MALRD1: variants seen among roughly 807,000 people sequenced by gnomAD.
MALRD1 encodes the protein MAM and LDL receptor class A domain containing 1, also known as MAM and LDL-receptor class A domain-containing protein 1.
In MALRD1, 247 loss-of-function variants were observed where a neutral mutation model predicts 242.1. The observed-to-expected ratio is 1.02, with a 90% CI of 0.92 to 1.13. The LOEUF (loss-of-function observed/expected upper bound fraction) is 1.13. Among genes scored for constraint, MALRD1 ranks in the 50% most tolerant of loss-of-function variants. The probability of loss-of-function intolerance (pLI) is 0.00; values close to 1 mark genes in which losing one functional copy is unlikely to be tolerated. For synonymous variants in MALRD1, 995 were observed against 866.6 expected (o/e 1.15, Z -2.60); for missense variants, 2,989 against 2,533.1 (o/e 1.18, Z -3.86).
chr10:19,079,094 T>C (rs558840181), intron 2 of MALRD1, among the ~76,000 whole-genome samples: 58 of 151,724 alleles, frequency 3.8e-4, no homozygotes, highest in African/African-American at 1.3e-3. Flanking sequence ...TTGAGATCTT[T>C]CCTTGTTTAA....
At chr10:19,258,182 C>G (rs1289994609) in intron 19 of MALRD1, among the ~76,000 whole-genome samples, 1 of 152,068 alleles carries the variant, frequency 6.6e-6, no homozygotes, top group Non-Finnish European at 1.5e-5. Context: ...CATTTCCTCA[C>G]TGTTTTATGG....
At chr10:19,232,147 GA>G (rs1339589391) in intron 18 of MALRD1, among the ~76,000 whole-genome samples, 4 of 151,900 alleles carry the variant, frequency 2.6e-5, no homozygotes, top group Non-Finnish European at 4.4e-5. Flanking sequence ...TAAAAAAAAT[GA>G]GTAGTAGAAG....
intron 18 of MALRD1, among the ~76,000 whole-genome samples, chr10:19,233,761 T>A (rs1311923600): frequency 6.6e-6 from 1 of 152,142 alleles, no homozygotes; most frequent in Non-Finnish European, 1.5e-5. Flanking sequence ...TAGTGCTAAT[T>A]TGTTTCAATT....
chr10:19,277,469 A>G (rs1331031959), intron 19 of MALRD1, among the ~76,000 whole-genome samples: 3 of 152,052 alleles, frequency 2.0e-5, no homozygotes, highest in Non-Finnish European at 4.4e-5. Flanking sequence ...AAGAGCAACA[A>G]TGGATTGGTG....
intron 2 of MALRD1, among the ~76,000 whole-genome samples, chr10:19,070,042 G>C (rs1835094540): frequency 6.6e-6 from 1 of 151,914 alleles, no homozygotes. Context: ...CATATATTTT[G>C]ATTTTGTTTT....
chr10:19,281,803 C>T (rs113571445), intron 20 of MALRD1, among the ~76,000 whole-genome samples: 1 of 151,888 alleles, frequency 6.6e-6, no homozygotes, highest in Non-Finnish European at 1.5e-5. Flanking sequence ...AAAACCCCAT[C>T]TCTACAAAAA....
chr10:19,279,301 C>T (rs1840692545), intron 19 of MALRD1, among the ~76,000 whole-genome samples: 1 of 152,170 alleles, frequency 6.6e-6, no homozygotes. Context: ...TTCTTCTAAA[C>T]AACACTGGAT....
At chr10:19,049,922 T>C (rs1564360826) in intron 1 of MALRD1, among the ~76,000 whole-genome samples, 7 of 152,166 alleles carry the variant, frequency 4.6e-5, no homozygotes, top group Admixed American at 2.6e-4. Context: ...ATTTCAGCAA[T>C]GGAGACTAGT....
chr10:19,165,266 T>TATATATA (rs1554801500), intron 12 of MALRD1, among the ~76,000 whole-genome samples: 20 of 116,230 alleles, frequency 1.7e-4, no homozygotes, highest in African/African-American at 5.8e-4. Context: ...TATATATATA[T>TATATATA]TTTGTTTTGT....
At chr10:19,120,740 A>G (rs1002123058) in intron 5 of MALRD1, among the ~76,000 whole-genome samples, 3 of 152,128 alleles carry the variant, frequency 2.0e-5, no homozygotes, top group African/African-American at 7.2e-5. Context: ...ACTGACTTGT[A>G]CACTTTTTTG....
chr10:19,505,862 A>C (rs762028289), intron 31 of MALRD1, among the ~76,000 whole-genome samples: 6 of 152,196 alleles, frequency 3.9e-5, no homozygotes, highest in Non-Finnish European at 7.3e-5. Flanking sequence ...CCTGAAAATG[A>C]GTCAGTGTCA....
intron 32 of MALRD1, among the ~76,000 whole-genome samples, chr10:19,539,682 T>C (rs1295383455): frequency 6.6e-6 from 1 of 151,822 alleles, no homozygotes; most frequent in Non-Finnish European, 1.5e-5. Context: ...TGCTGCTTTG[T>C]TTTTTTATTT....
rs140158192 is a variant in MALRD1 at position 19,339,037 on chromosome 10, T to TAC, written c.3901+7473_3901+7474dup. Among the ~76,000 whole-genome samples, 856 of 149,136 alleles carry TAC rather than the reference T, an allele frequency of 5.7e-3. 5 individuals are homozygous for TAC. The highest frequency in any genetic ancestry group is 9.7e-3 in the African/African-American group (396 of 40,800). On this transcript the variant is annotated intron_variant, in intron 24 of 39. Transcript: ENST00000454679. ...TACTATTAGCACGTCAGGGTGACTA[T>TAC]ACACACACACACACACACATAAATA...
At chr10:19,681,238 C>T (rs541633790) in intron 36 of MALRD1, among the ~76,000 whole-genome samples, 2 of 152,112 alleles carry the variant, frequency 1.3e-5, no homozygotes, top group East Asian at 1.9e-4. Flanking sequence ...TGGATGATAT[C>T]GTGAAGTATG....
intron 33 of MALRD1, among the ~76,000 whole-genome samples, chr10:19,569,234 C>T (rs913753366): frequency 6.6e-6 from 1 of 151,994 alleles, no homozygotes; most frequent in Non-Finnish European, 1.5e-5. Flanking sequence ...GCTGGTTTAT[C>T]ACCTTAGCTA....
At chr10:19,055,761 G>A (rs898128820) in intron 1 of MALRD1, among the ~76,000 whole-genome samples, 5 of 152,120 alleles carry the variant, frequency 3.3e-5, no homozygotes, top group African/African-American at 9.7e-5. Context: ...AAAACCAAAT[G>A]CTGCATGTTC....
At chr10:19,117,272 T>C (rs1836903805) in intron 5 of MALRD1, among the ~76,000 whole-genome samples, 1 of 152,122 alleles carries the variant, frequency 6.6e-6, no homozygotes, top group South Asian at 2.1e-4. Flanking sequence ...CAGGCCAAAA[T>C]ACTTACTCAT....
intron 24 of MALRD1, among the ~76,000 whole-genome samples, chr10:19,340,101 T>A (rs1254999851): frequency 6.6e-6 from 1 of 152,116 alleles, no homozygotes; most frequent in Non-Finnish European, 1.5e-5. Flanking sequence ...ACTTGGAGAT[T>A]ACAATTTGAG....
At chr10:19,527,371 T>G (rs1834148272) in intron 31 of MALRD1, among the ~76,000 whole-genome samples, 2 of 152,182 alleles carry the variant, frequency 1.3e-5, no homozygotes. Context: ...TAGTGGAGTT[T>G]CAATGTATGT....
Sources: gnomAD v4.1 joint callset for allele counts (sites outside exome capture counted in the v4.1 genomes callset) on GRCh38, gnomAD v4.1.1 for gene constraint, MANE v1.5 for transcripts, NCBI Gene and HGNC (gene_info 2026-07-23, HGNC 2026-07-21) for gene names.